The following PLBD2 variants were observed in gnomAD, a reference collection of about 807,000 sequenced individuals.
The protein encoded by PLBD2 is putative aminopeptidase PLBD2.
Under a neutral mutation model 68.3 loss-of-function variants are expected in PLBD2, and 51 were observed. The ratio of observed to expected loss-of-function variants is 0.75; its 90% CI spans 0.60 to 0.94. The LOEUF is 0.94. PLBD2 is among the 40% of genes least tolerant of loss of function. The pLI is 0.00. For synonymous variants in PLBD2, 314 were observed against 339.3 expected (o/e 0.93, Z 0.82); for missense variants, 729 against 792.2 (o/e 0.92, Z 0.96).
intron 2 of PLBD2, among the ~76,000 whole-genome samples, chr12:113,371,996 GA>G (rs1049178907): frequency 2.0e-5 from 3 of 152,322 alleles, no homozygotes; most frequent in Admixed American, 6.5e-5. Flanking sequence ...GGAAGTCATG[GA>G]GGCCTGCATG....
Position 113,380,238 on chromosome 12 carries a change from G to A in PLBD2, c.860-507G>A, listed in dbSNP as rs183063876. On this transcript the variant is annotated intron_variant, in intron 5 of 11. Coordinates refer to ENST00000280800, the MANE Select transcript of PLBD2 (RefSeq NM_173542.4). Reference sequence around the variant, plus strand: ...TGCAAGCTCTGCCTCCCGGGTTCACGCCATTCTCCTGACCCAGCCTCCCAA... The same window carrying A: ...TGCAAGCTCTGCCTCCCGGGTTCACACCATTCTCCTGACCCAGCCTCCCAA... Among the ~76,000 whole-genome samples the A allele has an allele frequency of 4.6e-3, 696 of 152,210 alleles. 7 individuals are homozygous for A. Among genetic ancestry groups the A allele is most frequent in the African/African-American group, 0.016 (644 of 41,538 alleles).
chr12:113,380,230 G>A lies in PLBD2; in HGVS notation c.860-515G>A, dbSNP rs761103275. 1.4e-3 allele frequency among the ~76,000 whole-genome samples: 211 copies of A among 152,150 alleles called. 1 individual carries two copies. The highest frequency in any genetic ancestry group is 2.5e-3 in the Admixed American group (38 of 15,274). ...CGGCTCGCTGCAAGCTCTGCCTCCC[G>A]GGTTCACGCCATTCTCCTGACCCAG... On this transcript the variant is annotated intron_variant, in intron 5 of 11. Coordinates refer to ENST00000280800, the MANE Select transcript of PLBD2 (RefSeq NM_173542.4).
intron 4 of PLBD2, 56 bp from the exon 5 acceptor site, chr12:113,374,737 A>G: frequency 6.3e-7 from 1 of 1,576,602 alleles, no homozygotes; most frequent in Non-Finnish European, 8.7e-7. Context: ...CAAAATGAGT[A>G]CATAACAGCA....
At chr12:113,382,690 C>A (rs546619318) in intron 6 of PLBD2, among the ~76,000 whole-genome samples, 18 of 151,990 alleles carry the variant, frequency 1.2e-4, no homozygotes, top group Middle Eastern at 3.4e-3. Flanking sequence ...CAATCTGACC[C>A]CCTTGGCCTC....
intron 1 of PLBD2, among the ~76,000 whole-genome samples, chr12:113,364,255 C>T (rs1957322373): frequency 6.6e-6 from 1 of 152,236 alleles, no homozygotes; most frequent in Non-Finnish European, 1.5e-5. Flanking sequence ...AGGGGTAGCT[C>T]TCACCAGGTG....
rs934628180 is a variant in PLBD2 at position 113,391,402 on chromosome 12, C to T, written c.*2776C>T. 1 of 152,254 alleles carries T rather than the reference C, an allele frequency of 6.6e-6. No individual in the cohort carries two copies. Among genetic ancestry groups the T allele is most frequent in the African/African-American group, 2.4e-5 (1 of 41,458 alleles). 9.4% of individuals were successfully genotyped at this position (152,254 alleles called of 1,614,324 possible). A position where few individuals can be genotyped will look rare whatever the true frequency, so the allele number is the denominator to read the frequency against. ...GATGCAGCCCACTTGGGGCCTCATGCACTCAGCATCTCTTTATTAGCAAAC... is the reference window on the plus strand; with the variant it reads ...GATGCAGCCCACTTGGGGCCTCATGTACTCAGCATCTCTTTATTAGCAAAC... On this transcript the variant is annotated 3_prime_UTR_variant, in exon 12 of 12. Transcript: ENST00000280800.
At position 113,389,313 on chromosome 12, in the gene PLBD2, C is replaced by G. The variant is rs1957586336; in HGVS notation, c.*687C>G. On this transcript the variant is annotated 3_prime_UTR_variant, in exon 12 of 12. Transcript: ENST00000280800. ...CCACCCCACCCCACCCCAGGCCTGC[C>G]CCTCACCTCAGGGCCATACCCACAG... The G allele has an allele frequency of 6.6e-6, 1 of 152,174 alleles. No individual in the cohort carries two copies. The highest frequency in any genetic ancestry group is 2.1e-4 in the South Asian group (1 of 4,822). 9.4% of individuals were successfully genotyped at this position (152,174 alleles called of 1,614,324 possible). A position where few individuals can be genotyped will look rare whatever the true frequency, so the allele number is the denominator to read the frequency against.
At chr12:113,382,663 G>T (rs770264652) in intron 6 of PLBD2, among the ~76,000 whole-genome samples, 1 of 151,736 alleles carries the variant, frequency 6.6e-6, no homozygotes, top group Non-Finnish European at 1.5e-5. Context: ...GGCTGGTCTT[G>T]ACCTCCTGGG....
intron 2 of PLBD2, among the ~76,000 whole-genome samples, chr12:113,370,262 G>A (rs542210963): frequency 6.6e-6 from 1 of 152,098 alleles, no homozygotes; most frequent in African/African-American, 2.4e-5. Context: ...ATAAATGACT[G>A]AATGAAAGGG....
chr12:113,368,713 A>C (rs1957362411), intron 1 of PLBD2, among the ~76,000 whole-genome samples: 1 of 152,112 alleles, frequency 6.6e-6, no homozygotes, highest in Non-Finnish European at 1.5e-5. Context: ...CTCTTCTGCA[A>C]GAGGGACAAG....
chr12:113,388,021 T>C, intron 11 of PLBD2, 115 bp downstream of exon 11: 1 of 1,352,842 alleles, frequency 7.4e-7, no homozygotes, highest in South Asian at 1.3e-5. Context: ...ACAGTCGGAA[T>C]TGGGCTGTGG....
chr12:113,372,099 C>G lies in PLBD2; in HGVS notation c.385-550C>G, dbSNP rs1445085408. Among the ~76,000 whole-genome samples the G allele has an allele frequency of 6.6e-6, 1 of 151,918 alleles. No homozygotes were observed. Among genetic ancestry groups the G allele is most frequent in the Admixed American group, 6.6e-5 (1 of 15,216 alleles). On this transcript the variant is annotated intron_variant, in intron 2 of 11. Transcript: ENST00000280800. The surrounding 1 kb of genome is among the most constrained non-coding windows in gnomAD (Gnocchi z 4.2). The stretch of plus-strand genomic sequence containing the variant: ...GATGGAGCAGCAGTCATGAAGCCAT[C>G]AATCCTGAGGCAGTGAGTGCTGCCA...
intron 1 of PLBD2, among the ~76,000 whole-genome samples, chr12:113,363,847 T>C (rs997332869): frequency 1.3e-5 from 2 of 152,230 alleles, no homozygotes; most frequent in Non-Finnish European, 2.9e-5. Flanking sequence ...TTTTAGCTCT[T>C]TCTTCCAGAA....
chr12:113,368,981 A>C (rs980601420), intron 1 of PLBD2, 135 bp from the exon 2 acceptor site: 11 of 583,510 alleles, frequency 1.9e-5, no homozygotes, highest in Non-Finnish European at 3.3e-5. Flanking sequence ...CGGCAAGCTC[A>C]CAAAGATGGA....
In PLBD2 at chr12:113,374,787, C is replaced by T; in HGVS notation, c.645-6C>T. 2 of 1,613,670 alleles carry T rather than the reference C, an allele frequency of 1.2e-6. No individual in the cohort carries two copies. Among genetic ancestry groups the T allele is most frequent in the Non-Finnish European group, 1.7e-6 (2 of 1,180,022 alleles). On this transcript the variant is annotated splice_polypyrimidine_tract_variant and splice_region_variant and intron_variant, in intron 4 of 11. Coordinates refer to ENST00000280800, the MANE Select transcript of PLBD2 (RefSeq NM_173542.4). ...GGTAACCCTCTGATGCCCTGGCCCTCCTCAGCCTGCTGCAGCTCTCTGGGG... is the reference window on the plus strand; with the variant it reads ...GGTAACCCTCTGATGCCCTGGCCCTTCTCAGCCTGCTGCAGCTCTCTGGGG...
chr12:113,366,586 C>G (rs1422860898), intron 1 of PLBD2, among the ~76,000 whole-genome samples: 1 of 149,608 alleles, frequency 6.7e-6, no homozygotes, highest in Non-Finnish European at 1.5e-5. Context: ...AAGTGATCTT[C>G]CTGCCTCAAC....
intron 6 of PLBD2, among the ~76,000 whole-genome samples, chr12:113,383,128 GGCA>G (rs1328710127): frequency 6.6e-6 from 1 of 152,210 alleles, no homozygotes; most frequent in Non-Finnish European, 1.5e-5. Context: ...GGCAATCGGA[GGCA>G]GCGGTGGGCA....
chr12:113,369,400 C>G (rs755183043), intron 2 of PLBD2, among the ~76,000 whole-genome samples, 191 bp downstream of exon 2: 2 of 152,164 alleles, frequency 1.3e-5, no homozygotes, highest in Non-Finnish European at 2.9e-5. Context: ...GCACCTGGCT[C>G]TCACCCACTT....
chr12:113,369,304 C>T (rs1957368851), intron 2 of PLBD2, 95 bp downstream of exon 2: 6 of 899,128 alleles, frequency 6.7e-6, no homozygotes, highest in Non-Finnish European at 9.4e-6. Flanking sequence ...AGAGTAGGCC[C>T]CCAACTCCTG....
Sources: allele counts gnomAD v4.1 joint callset (sites outside exome capture counted in the v4.1 genomes callset), GRCh38; gene constraint gnomAD v4.1.1; non-coding constraint Gnocchi (gnomAD v3.1); transcripts MANE v1.5; gene names NCBI Gene and HGNC (gene_info 2026-07-23, HGNC 2026-07-21).